Variants in BAALC observed in about 807,000 individuals in gnomAD.
BAALC encodes BAALC binder of MAP3K1 and KLF4, also known as brain and acute leukemia cytoplasmic protein.
BAALC carries 9 observed loss-of-function variants against 15.5 expected under a neutral mutation model. The ratio of observed to expected loss-of-function variants is 0.58; its 90% CI spans 0.35 to 1.02. The LOEUF (loss-of-function observed/expected upper bound fraction) is 1.02, where lower values mean the gene tolerates loss of function less well. Among genes scored for constraint, BAALC ranks in the 50% least tolerant of loss-of-function variants. BAALC has a pLI of 0.02. For missense variants in BAALC, 201 were observed against 192.4 expected, an observed-to-expected ratio of 1.04 and a Z score of -0.27; for synonymous variants, 80 against 74.6, an observed-to-expected ratio of 1.07 and a Z score of -0.37.
At chr8:103,207,207 C>A (rs75812634) in intron 1 of BAALC, among the ~76,000 whole-genome samples, 7,575 of 152,190 alleles carry the variant, frequency 0.05, 211 homozygotes, top group South Asian at 0.1. Context: ...TCTTTCCACT[C>A]TTAGTTCTTA....
At chr8:103,207,387 T>C (rs557107161) in intron 1 of BAALC, among the ~76,000 whole-genome samples, 11 of 152,128 alleles carry the variant, frequency 7.2e-5, no homozygotes, top group Non-Finnish European at 1.6e-4. Flanking sequence ...AACCAGTAAA[T>C]TTTTAGAGAA....
intron 1 of BAALC, among the ~76,000 whole-genome samples, chr8:103,170,265 A>G (rs1811449894): frequency 6.6e-6 from 1 of 150,642 alleles, no homozygotes; most frequent in African/African-American, 2.4e-5. Flanking sequence ...GCTTGGTTAT[A>G]TTGTAGAAAA....
intron 1 of BAALC, among the ~76,000 whole-genome samples, chr8:103,187,497 C>G (rs1290460320): frequency 6.6e-6 from 1 of 152,192 alleles, no homozygotes; most frequent in African/African-American, 2.4e-5. Context: ...GCAGAACAAA[C>G]AGAGTTGCAT....
intron 1 of BAALC, among the ~76,000 whole-genome samples, chr8:103,167,832 G>C (rs1047356948): frequency 6.6e-6 from 1 of 152,070 alleles, no homozygotes; most frequent in Non-Finnish European, 1.5e-5. Context: ...GCCTTGGATG[G>C]GTTTTGAGCA....
chr8:103,191,714 C>A (rs1280446636), intron 1 of BAALC, among the ~76,000 whole-genome samples: 1 of 151,982 alleles, frequency 6.6e-6, no homozygotes, highest in East Asian at 1.9e-4. Context: ...AAAAACCAGC[C>A]CCCTCCATAA....
chr8:103,155,691 T>C (rs959090610), intron 1 of BAALC, among the ~76,000 whole-genome samples: 4 of 152,240 alleles, frequency 2.6e-5, no homozygotes, highest in African/African-American at 9.6e-5. Flanking sequence ...CTCATCTTTC[T>C]GCTTCCCTAG....
At chr8:103,208,786 G>A (rs773857503) in intron 1 of BAALC, among the ~76,000 whole-genome samples, 3 of 152,100 alleles carry the variant, frequency 2.0e-5, no homozygotes, top group Non-Finnish European at 4.4e-5. Context: ...ATCCTGGTGC[G>A]TAAGGCCTCT....
At chr8:103,210,006 T>A (rs1812417299) in intron 1 of BAALC, among the ~76,000 whole-genome samples, 1 of 151,918 alleles carries the variant, frequency 6.6e-6, no homozygotes, top group African/African-American at 2.4e-5. Flanking sequence ...GCTTCCAGAG[T>A]CTTTATGGGC....
intron 2 of BAALC, chr8:103,219,492 T>G (rs554815690): frequency 5.9e-5 from 9 of 152,372 alleles, no homozygotes; most frequent in African/African-American, 2.2e-4. Flanking sequence ...ATGTCTGATC[T>G]TCTATCTGAA....
intron 1 of BAALC, among the ~76,000 whole-genome samples, chr8:103,184,288 T>C (rs1811788103): frequency 6.6e-6 from 1 of 152,214 alleles, no homozygotes; most frequent in Non-Finnish European, 1.5e-5. Context: ...TCCCTTTTGC[T>C]GTGGAACCTC....
intron 1 of BAALC, among the ~76,000 whole-genome samples, chr8:103,159,745 A>G (rs141394806): frequency 6.6e-6 from 1 of 152,106 alleles, no homozygotes; most frequent in East Asian, 1.9e-4. Context: ...TAGGCTTATT[A>G]TTATTTCTAG....
At chr8:103,199,974 C>A (rs1369270745) in intron 1 of BAALC, among the ~76,000 whole-genome samples, 3 of 152,206 alleles carry the variant, frequency 2.0e-5, no homozygotes, top group African/African-American at 7.2e-5. Flanking sequence ...CATGTTACTG[C>A]AAAGGACATG....
At chr8:103,177,451 C>T (rs1298155070) in intron 1 of BAALC, among the ~76,000 whole-genome samples, 2 of 152,178 alleles carry the variant, frequency 1.3e-5, no homozygotes, top group Non-Finnish European at 2.9e-5. Flanking sequence ...TCCCAAAGCA[C>T]TGGGAGTTTA....
chr8:103,185,813 C>G (rs1437895092), intron 1 of BAALC, among the ~76,000 whole-genome samples: 4 of 152,214 alleles, frequency 2.6e-5, no homozygotes, highest in African/African-American at 9.7e-5. Context: ...GAAATAGTCA[C>G]AAGTGTACAA....
At chr8:103,171,412 AAGAG>A (rs1173457311) in intron 1 of BAALC, among the ~76,000 whole-genome samples, 30 of 76,694 alleles carry the variant, frequency 3.9e-4, no homozygotes, top group Non-Finnish European at 4.5e-4. Flanking sequence ...AAAGAAAGAA[AAGAG>A]AGAGAATGAA....
At chr8:103,154,114 A>G (rs1811037573) in intron 1 of BAALC, among the ~76,000 whole-genome samples, 1 of 152,218 alleles carries the variant, frequency 6.6e-6, no homozygotes, top group South Asian at 2.1e-4. Context: ...GTGATGATGT[A>G]CAAGCACAAA....
chr8:103,196,142 C>T (rs1812090921), intron 1 of BAALC, among the ~76,000 whole-genome samples: 1 of 152,134 alleles, frequency 6.6e-6, no homozygotes, highest in Non-Finnish European at 1.5e-5. Context: ...AGTGCATAAG[C>T]CCATCAGGCC....
chr8:103,154,528 C>G (rs779345751), intron 1 of BAALC: 6 of 153,458 alleles, frequency 3.9e-5, no homozygotes, highest in Non-Finnish European at 5.9e-5. Context: ...CACTCAAAGC[C>G]TTTCATGATT....
At chr8:103,182,148 A>T (rs1811743027) in intron 1 of BAALC, among the ~76,000 whole-genome samples, 2 of 152,154 alleles carry the variant, frequency 1.3e-5, no homozygotes, top group South Asian at 4.1e-4. Flanking sequence ...CCACAGAATT[A>T]ATTAGCCTCC....
Sources: gnomAD v4.1 joint callset for allele counts (sites outside exome capture counted in the v4.1 genomes callset) on GRCh38, gnomAD v4.1.1 for gene constraint, MANE v1.5 for transcripts, NCBI Gene and HGNC (gene_info 2026-07-23, HGNC 2026-07-21) for gene names.